The following DIAPH3 variants were observed in gnomAD, a reference collection of about 807,000 sequenced individuals.
DIAPH3 encodes diaphanous related formin 3, also known as protein diaphanous homolog 3.
DIAPH3 carries 117 observed loss-of-function variants against 144.3 expected under a neutral mutation model. That is an observed-to-expected ratio of 0.81 (90% CI 0.70 to 0.95). The LOEUF is 0.95. Ranked by LOEUF, DIAPH3 falls within the 40% of genes least tolerant of loss-of-function variation. DIAPH3 has a pLI of 0.00. For synonymous variants in DIAPH3, 519 were observed against 488.9 expected (o/e 1.06, Z -0.81); for missense variants, 1,421 against 1,412.7 (o/e 1.01, Z -0.09).
chr13:60,017,906 A>G (rs1220435597), intron 5 of DIAPH3, among the ~76,000 whole-genome samples: 1 of 152,218 alleles, frequency 6.6e-6, no homozygotes, highest in Non-Finnish European at 1.5e-5. Flanking sequence ...TATCAGCGAC[A>G]CACAGATTAT....
At chr13:59,865,223 T>C (rs1476589701) in intron 21 of DIAPH3, among the ~76,000 whole-genome samples, 5 of 152,048 alleles carry the variant, frequency 3.3e-5, no homozygotes, top group African/African-American at 1.2e-4. Context: ...CTTATCCATT[T>C]GCTCAATATT....
At chr13:59,942,962 G>A (rs1212791088) in intron 17 of DIAPH3, among the ~76,000 whole-genome samples, 1 of 152,080 alleles carries the variant, frequency 6.6e-6, no homozygotes, top group African/African-American at 2.4e-5. Flanking sequence ...GAGCATTTAA[G>A]TTGTTTATAA....
intron 2 of DIAPH3, among the ~76,000 whole-genome samples, chr13:60,114,474 T>G (rs994407653): frequency 6.6e-6 from 1 of 151,944 alleles, no homozygotes; most frequent in Admixed American, 6.6e-5. Flanking sequence ...ACACATCAAA[T>G]GTTGTAACAC....
rs1447498820 is a variant in DIAPH3, at chr13:59,929,583, G to C, written c.2075-4713C>G. On this transcript the variant is annotated intron_variant, in intron 17 of 27. Transcript: ENST00000400324. ...TTTTTTTTTTTTTTTTTTTTTTTGA[G>C]ATAGAGTCTTGCTCTGTCGCCCAGG... Among the ~76,000 whole-genome samples the C allele has an allele frequency of 1.0e-4, 9 of 85,744 alleles. No homozygotes were observed. In the Admixed American group the frequency reaches 1.4e-3, roughly 13 times the overall value. The allele number at this position is 85,744 out of a possible 152,430, so 56.3% of individuals were successfully genotyped here.
At chr13:60,158,947 A>C (rs1952161303) in intron 1 of DIAPH3, among the ~76,000 whole-genome samples, 1 of 150,024 alleles carries the variant, frequency 6.7e-6, no homozygotes, top group Admixed American at 6.7e-5. Context: ...ATAACCTGTA[A>C]AGTCATTTTT....
intron 2 of DIAPH3, among the ~76,000 whole-genome samples, chr13:60,113,277 T>C (rs1488523701): frequency 6.6e-6 from 1 of 152,156 alleles, no homozygotes; most frequent in Non-Finnish European, 1.5e-5. Flanking sequence ...ATTTCCATCA[T>C]TGCAAAAAGT....
chr13:60,007,638 C>G (rs1412975586), intron 9 of DIAPH3, among the ~76,000 whole-genome samples: 1 of 151,958 alleles, frequency 6.6e-6, no homozygotes, highest in Non-Finnish European at 1.5e-5. Context: ...TTTAGAAGTA[C>G]GGAGGTGAGA....
chr13:60,109,566 G>A (rs1333098686), intron 3 of DIAPH3, among the ~76,000 whole-genome samples: 1 of 152,146 alleles, frequency 6.6e-6, no homozygotes, highest in Non-Finnish European at 1.5e-5. Flanking sequence ...CTTGAACAAG[G>A]GAAAAGGAGC....
At chr13:59,999,193 T>G (rs971921368) in intron 9 of DIAPH3, among the ~76,000 whole-genome samples, 4 of 152,118 alleles carry the variant, frequency 2.6e-5, no homozygotes, top group Non-Finnish European at 5.9e-5. Flanking sequence ...CAATGGCATA[T>G]TTGTCTGATT....
intron 2 of DIAPH3, among the ~76,000 whole-genome samples, chr13:60,121,326 C>G (rs1156834697): frequency 6.6e-6 from 1 of 151,910 alleles, no homozygotes; most frequent in Non-Finnish European, 1.5e-5. Context: ...TTCAAGGACA[C>G]CACGAATTCC....
At chr13:60,015,413 A>G (rs1026589959) in intron 7 of DIAPH3, among the ~76,000 whole-genome samples, 1 of 152,188 alleles carries the variant, frequency 6.6e-6, no homozygotes, top group African/African-American at 2.4e-5. Context: ...ATCTGTTTAC[A>G]TTAATTTCAT....
intron 20 of DIAPH3, among the ~76,000 whole-genome samples, chr13:59,910,134 G>T (rs951989664): frequency 1.3e-5 from 2 of 151,140 alleles, no homozygotes; most frequent in African/African-American, 4.9e-5. Context: ...TTTCAAAATT[G>T]TAATTTTATA....
intron 3 of DIAPH3, among the ~76,000 whole-genome samples, chr13:60,104,566 G>GCACACACACACACACACACA (rs10633554): frequency 1.4e-5 from 2 of 147,124 alleles, no homozygotes; most frequent in African/African-American, 2.5e-5. Context: ...CAGTATCAAG[G>GCACACACACACACACACACA]CACACACACA....
chr13:60,081,784 A>C (rs2057567286), intron 4 of DIAPH3, among the ~76,000 whole-genome samples: 1 of 152,048 alleles, frequency 6.6e-6, no homozygotes, highest in Admixed American at 6.6e-5. Flanking sequence ...AATGGCCCAG[A>C]GATATCCATT....
At chr13:59,958,180 A>T (rs2049518191) in intron 17 of DIAPH3, among the ~76,000 whole-genome samples, 1 of 152,178 alleles carries the variant, frequency 6.6e-6, no homozygotes, top group Admixed American at 6.5e-5. Flanking sequence ...TGTATTTTTA[A>T]TTATCCATTT....
At chr13:60,084,055 T>C (rs1594619425) in intron 4 of DIAPH3, among the ~76,000 whole-genome samples, 1 of 146,854 alleles carries the variant, frequency 6.8e-6, no homozygotes. Flanking sequence ...GATAGATAGA[T>C]AGATAGAAAG....
chr13:60,093,802 T>A lies in DIAPH3; in HGVS notation c.391-70A>T, dbSNP rs2058026992. The stretch of plus-strand genomic sequence containing the variant: ...GCAGCAATTCTACATGCACTACAAA[T>A]GGAAAAATCAATAATTTGTGACTAA... On this transcript the variant is annotated intron_variant, in intron 3 of 27. Coordinates refer to ENST00000400324, the MANE Select transcript of DIAPH3 (RefSeq NM_001042517.2). The A allele has an allele frequency of 8.2e-6, 8 of 976,838 alleles. No homozygotes were observed. The South Asian group carries it at 9.1e-5, about 11-fold the overall frequency. 60.5% of individuals were successfully genotyped at this position (976,838 alleles called of 1,614,324 possible).
intron 14 of DIAPH3, among the ~76,000 whole-genome samples, chr13:59,976,625 T>C (rs1279000462): frequency 6.6e-6 from 1 of 151,802 alleles, no homozygotes; most frequent in African/African-American, 2.4e-5. Flanking sequence ...ACTCCTTGAG[T>C]GCTCCTACCA....
chr13:59,908,098 C>G (rs1433766131), intron 20 of DIAPH3, among the ~76,000 whole-genome samples: 6 of 151,968 alleles, frequency 3.9e-5, no homozygotes, highest in Non-Finnish European at 5.9e-5. Flanking sequence ...TGGCCGGGTG[C>G]AGTGGCTCAC....
Sources: gnomAD v4.1 joint callset for allele counts (sites outside exome capture counted in the v4.1 genomes callset) on GRCh38, gnomAD v4.1.1 for gene constraint, MANE v1.5 for transcripts, NCBI Gene and HGNC (gene_info 2026-07-23, HGNC 2026-07-21) for gene names.